ITPR1: variants seen among roughly 807,000 people sequenced by gnomAD.
ITPR1 encodes inositol 1,4,5-trisphosphate-gated calcium channel ITPR1.
ITPR1 carries 96 observed loss-of-function variants against 318.4 expected under a neutral mutation model. The observed-to-expected ratio is 0.30, with a 90% CI of 0.26 to 0.36. The LOEUF (loss-of-function observed/expected upper bound fraction) is 0.36, where lower values mean the gene tolerates loss of function less well. Ranked by LOEUF, ITPR1 falls within the 10% of genes least tolerant of loss-of-function variation. The pLI, the probability that ITPR1 is intolerant of heterozygous loss-of-function variation, is 1.00. For missense variants in ITPR1, 2,440 were observed against 3,460.2 expected, an observed-to-expected ratio of 0.71 and a Z score of 7.40; for synonymous variants, 1,312 against 1,289.9, an observed-to-expected ratio of 1.02 and a Z score of -0.37.
chr3:4,657,793 G>C (rs935246090), intron 12 of ITPR1, among the ~76,000 whole-genome samples: 5 of 152,020 alleles, frequency 3.3e-5, no homozygotes, highest in Non-Finnish European at 4.4e-5. Context: ...CTTTAGTAGA[G>C]ACGGGGTTTC....
chr3:4,598,160 C>A (rs1302275488), intron 4 of ITPR1, among the ~76,000 whole-genome samples: 1 of 152,190 alleles, frequency 6.6e-6, no homozygotes, highest in Admixed American at 6.5e-5. Context: ...ACCATCCTTC[C>A]CCTCTCCCCT....
intron 53 of ITPR1, among the ~76,000 whole-genome samples, chr3:4,797,179 C>G (rs1174668571): frequency 1.3e-5 from 2 of 151,466 alleles, no homozygotes; most frequent in Non-Finnish European, 2.9e-5. Context: ...GAAGCCTTTT[C>G]CATTATCTAG....
chr3:4,495,628 G>T (rs997953385), intron 2 of ITPR1, among the ~76,000 whole-genome samples: 1 of 152,174 alleles, frequency 6.6e-6, no homozygotes, highest in Non-Finnish European at 1.5e-5. Flanking sequence ...TTTCTAACTG[G>T]TTGCTAAAAA....
At chr3:4,816,674 C>A (rs978976826) in intron 59 of ITPR1, among the ~76,000 whole-genome samples, 3 of 152,192 alleles carry the variant, frequency 2.0e-5, no homozygotes, top group African/African-American at 4.8e-5. Context: ...CAGGCATGAG[C>A]CACTGCGCCC....
At chr3:4,688,207 G>C (rs777817475) in intron 30 of ITPR1, among the ~76,000 whole-genome samples, 1 of 152,104 alleles carries the variant, frequency 6.6e-6, no homozygotes, top group African/African-American at 2.4e-5. Flanking sequence ...AGAAGTAGGG[G>C]GTTCAGAAGT....
chr3:4,784,716 A>C (rs1438288460), intron 51 of ITPR1, among the ~76,000 whole-genome samples: 1 of 117,196 alleles, frequency 8.5e-6, no homozygotes, highest in Non-Finnish European at 1.7e-5. Flanking sequence ...CCCCTTCTCC[A>C]CTAAAAATAC....
In ITPR1 at chr3:4,645,737, A is replaced by G. The variant is rs1177037800; in HGVS notation, c.855+9A>G. ...CCCTGTGGGAGGTGGAGGTAAGGGT[A>G]GGGTGGAGAAAGGGCTCCTGGGTTT... is the stretch of plus-strand genomic sequence containing the variant. On this transcript the variant is annotated intron_variant, in intron 10 of 61. Coordinates refer to ENST00000649015, the MANE Select transcript of ITPR1 (RefSeq NM_001378452.1). The G allele has an allele frequency of 5.6e-6, 9 of 1,611,020 alleles. No individual in the cohort carries two copies. Among genetic ancestry groups the G allele is most frequent in the African/African-American group, 1.3e-5 (1 of 74,866 alleles).
chr3:4,824,256 C>T (rs115495573), intron 60 of ITPR1, among the ~76,000 whole-genome samples: 2 of 152,236 alleles, frequency 1.3e-5, no homozygotes, highest in African/African-American at 4.8e-5. Context: ...AGGAATAGCT[C>T]GTGTGTAATC....
chr3:4,790,113 A>AAT (rs2047459077), intron 52 of ITPR1, among the ~76,000 whole-genome samples: 1 of 152,216 alleles, frequency 6.6e-6, no homozygotes, highest in Non-Finnish European at 1.5e-5. Context: ...GAGATGACAA[A>AAT]AAGGTTTTCA....
intron 4 of ITPR1, among the ~76,000 whole-genome samples, chr3:4,542,116 A>G (rs2084515345): frequency 6.6e-6 from 1 of 152,164 alleles, no homozygotes; most frequent in South Asian, 2.1e-4. Context: ...ACGTTTGGTC[A>G]TTCTCATTCC....
At chr3:4,554,367 G>A (rs892211388) in intron 4 of ITPR1, among the ~76,000 whole-genome samples, 7 of 152,198 alleles carry the variant, frequency 4.6e-5, no homozygotes, top group Non-Finnish European at 7.4e-5. Context: ...TTGCCGAGTC[G>A]CAGAAGGAAT....
Position 4,784,581 on chromosome 3 carries a change from T to A in ITPR1, c.6615+661T>A, listed in dbSNP as rs916614728. 5.1e-4 allele frequency among the ~76,000 whole-genome samples: 75 copies of A among 147,256 alleles called. 1 individual carries two copies. Among genetic ancestry groups the A allele is most frequent in the East Asian group, 7.8e-4 (4 of 5,126 alleles). The stretch of plus-strand genomic sequence containing the variant: ...TGTGTTTTTTGTTTTTTTTTTTTTT[T>A]TAAAAAAGGTGTCATGTGGCTGGGC... On this transcript the variant is annotated intron_variant, in intron 51 of 61. Coordinates refer to ENST00000649015, the MANE Select transcript of ITPR1 (RefSeq NM_001378452.1).
intron 4 of ITPR1, among the ~76,000 whole-genome samples, chr3:4,532,074 T>A (rs2083459702): frequency 1.3e-5 from 2 of 152,246 alleles, no homozygotes; most frequent in South Asian, 4.1e-4. Flanking sequence ...TTAAATGCCA[T>A]AACACTGCTA....
intron 4 of ITPR1, among the ~76,000 whole-genome samples, chr3:4,522,098 A>G (rs755915385): frequency 1.6e-4 from 25 of 152,200 alleles, no homozygotes; most frequent in Non-Finnish European, 3.4e-4. Flanking sequence ...TGTTAGAATC[A>G]TCTGAGGAAG....
chr3:4,542,586 C>T (rs1229672649), intron 4 of ITPR1, among the ~76,000 whole-genome samples: 1 of 151,678 alleles, frequency 6.6e-6, no homozygotes, highest in East Asian at 1.9e-4. Context: ...GAAAACTCTC[C>T]TCGTAGTTCA....
intron 4 of ITPR1, among the ~76,000 whole-genome samples, chr3:4,534,515 C>G (rs747616740): frequency 1.1e-4 from 17 of 152,228 alleles, no homozygotes; most frequent in Non-Finnish European, 1.9e-4. Context: ...TTCAAAGAAC[C>G]CACGTGTTTT....
intron 4 of ITPR1, among the ~76,000 whole-genome samples, chr3:4,596,974 C>T (rs888084387): frequency 1.8e-4 from 28 of 152,262 alleles, no homozygotes; most frequent in African/African-American, 6.7e-4. Context: ...GTATGTTCAG[C>T]AAAAGAGAGT....
chr3:4,505,033 G>A (rs2081302211), intron 2 of ITPR1, among the ~76,000 whole-genome samples: 1 of 151,882 alleles, frequency 6.6e-6, no homozygotes, highest in African/African-American at 2.4e-5. Context: ...TGCCCTGCTG[G>A]GTGCTGCTTG....
chr3:4,557,441 A>G (rs1344915526), intron 4 of ITPR1, among the ~76,000 whole-genome samples: 1 of 152,112 alleles, frequency 6.6e-6, no homozygotes, highest in East Asian at 1.9e-4. Flanking sequence ...TCAAGATGAG[A>G]TTTGGGTGGG....
Sources: allele counts gnomAD v4.1 joint callset (sites outside exome capture counted in the v4.1 genomes callset), GRCh38; gene constraint gnomAD v4.1.1; transcripts MANE v1.5; gene names NCBI Gene and HGNC (gene_info 2026-07-23, HGNC 2026-07-21).